ATAD2B: variants seen among roughly 807,000 people sequenced by gnomAD.
ATAD2B encodes the protein ATPase family AAA domain containing 2B, also known as ATPase family AAA domain-containing protein 2B.
Under a neutral mutation model 167.6 loss-of-function variants are expected in ATAD2B, and 40 were observed. That is an observed-to-expected ratio of 0.24 (90% CI 0.19 to 0.31). The LOEUF (loss-of-function observed/expected upper bound fraction) is 0.31. Ranked by LOEUF, ATAD2B falls within the 10% of genes least tolerant of loss-of-function variation. ATAD2B has a pLI of 1.00. For synonymous variants in ATAD2B, 579 were observed against 596.5 expected, an observed-to-expected ratio of 0.97 and a Z score of 0.43; for missense variants, 1,242 against 1,757.2, an observed-to-expected ratio of 0.71 and a Z score of 5.24.
the ATAD2B span, among the ~76,000 whole-genome samples, chr2:23,739,813 TAAA>T: frequency 6.6e-6 from 1 of 151,270 alleles, no homozygotes; most frequent in African/African-American, 2.4e-5. Flanking sequence ...GCAAGACTAA[TAAA>T]GAAGAAAAGA....
the ATAD2B span, chr2:23,703,776 C>T: frequency 6.5e-7 from 1 of 1,537,328 alleles, no homozygotes. Context: ...CTGGGCGGGG[C>T]TTATGCCAGA....
the ATAD2B span, chr2:23,685,298 AAAG>A: frequency 1.3e-5 from 2 of 151,728 alleles, no homozygotes; most frequent in Admixed American, 1.3e-4. Flanking sequence ...ATACCTTTGC[AAAG>A]AAGTCAGGGG....
intron 1 of ATAD2B, among the ~76,000 whole-genome samples, chr2:23,923,844 A>G (rs1704304719): frequency 1.3e-5 from 2 of 152,180 alleles, no homozygotes. Flanking sequence ...ATAATCTAAA[A>G]ACAGGGAAAA....
the ATAD2B span, among the ~76,000 whole-genome samples, chr2:23,732,700 T>C: frequency 1.3e-5 from 2 of 152,198 alleles, no homozygotes; most frequent in Non-Finnish European, 2.9e-5. Context: ...ACCATCTCTA[T>C]CTATACCCCC....
At chr2:23,703,876 G>A in the ATAD2B span, 48 of 1,533,530 alleles carry the variant, frequency 3.1e-5, no homozygotes, top group Middle Eastern at 3.4e-4. Flanking sequence ...GAGAGGCTGC[G>A]GCGCCTTGAC....
chr2:23,717,221 G>A, the ATAD2B span, among the ~76,000 whole-genome samples: 1 of 152,230 alleles, frequency 6.6e-6, no homozygotes, highest in East Asian at 1.9e-4. Context: ...GTAGAGAAAA[G>A]TAATTGGCAT....
At chr2:23,812,719 T>C (rs750502913) in intron 17 of ATAD2B, among the ~76,000 whole-genome samples, 1 of 151,820 alleles carries the variant, frequency 6.6e-6, no homozygotes, top group Non-Finnish European at 1.5e-5. Context: ...AAAAATTAGC[T>C]GGGCGTGGTG....
At chr2:23,697,709 T>TATC in the ATAD2B span, 5,214 of 152,252 alleles carry the variant, frequency 0.034, 114 homozygotes, top group South Asian at 0.086. Context: ...AACATTTAGT[T>TATC]ATCATATTGA....
downstream of ATAD2B, among the ~76,000 whole-genome samples, chr2:23,746,758 A>G (rs1306520455): frequency 6.6e-6 from 1 of 152,194 alleles, no homozygotes; most frequent in Non-Finnish European, 1.5e-5. Flanking sequence ...CAAGATAGGG[A>G]ATATAAGGGA....
At chr2:23,916,218 A>G (rs1226297768) in intron 1 of ATAD2B, among the ~76,000 whole-genome samples, 1 of 152,238 alleles carries the variant, frequency 6.6e-6, no homozygotes, top group Non-Finnish European at 1.5e-5. Context: ...AGAGTTCACT[A>G]TTCTTTCATT....
chr2:23,684,570 T>C, the ATAD2B span: 1 of 1,518,302 alleles, frequency 6.6e-7, no homozygotes, highest in South Asian at 1.3e-5. This position sits in a 1 kb window ranked among gnomAD's most constrained non-coding sequence, Gnocchi z 4.4. Context: ...GTCGGGTCTG[T>C]TCCTTTGTAG....
chr2:23,692,857 C>T, the ATAD2B span, among the ~76,000 whole-genome samples: 3 of 152,148 alleles, frequency 2.0e-5, no homozygotes, highest in Admixed American at 6.5e-5. Flanking sequence ...CTACTGCTAA[C>T]GAAGGAGTCT....
chr2:23,834,152 CTTTTTTTTTTTTT>C (rs11378615), intron 13 of ATAD2B, 74 bp from the exon 14 acceptor site: 14 of 119,616 alleles, frequency 1.2e-4, no homozygotes, highest in South Asian at 1.5e-4. Context: ...ATCAGTCTTT[CTTTTTTTTTTTTT>C]TTTTTTTTTT....
the ATAD2B span, among the ~76,000 whole-genome samples, chr2:23,721,527 T>A: frequency 6.6e-6 from 1 of 151,536 alleles, no homozygotes; most frequent in Non-Finnish European, 1.5e-5. Context: ...TGTGCCTACA[T>A]CCCAGGCCTA....
At chr2:23,830,019 C>G (rs1319112943) in intron 14 of ATAD2B, among the ~76,000 whole-genome samples, 1 of 152,064 alleles carries the variant, frequency 6.6e-6, no homozygotes, top group Non-Finnish European at 1.5e-5. Context: ...GAGTCTCACT[C>G]TATCACCCAG....
intron 1 of ATAD2B, among the ~76,000 whole-genome samples, chr2:23,906,821 A>G (rs1341506023): frequency 6.6e-6 from 1 of 152,016 alleles, no homozygotes; most frequent in Non-Finnish European, 1.5e-5. Context: ...ATACACGCAA[A>G]TCAATAAATG....
intron 10 of ATAD2B, 33 bp downstream of exon 10, chr2:23,867,802 G>GAAAACTTC: frequency 1.3e-6 from 2 of 1,491,668 alleles, no homozygotes; most frequent in Admixed American, 2.0e-5. Flanking sequence ...TTAAAAAAAA[G>GAAAACTTC]AAAACTTCTA....
At chr2:23,879,102 A>G (rs1164785464) in intron 7 of ATAD2B, among the ~76,000 whole-genome samples, 1 of 152,192 alleles carries the variant, frequency 6.6e-6, no homozygotes, top group East Asian at 1.9e-4. Context: ...GTAACTTCTT[A>G]TATCTCATCA....
chr2:23,692,375 G>A, the ATAD2B span, among the ~76,000 whole-genome samples: 4 of 152,118 alleles, frequency 2.6e-5, no homozygotes, highest in Non-Finnish European at 4.4e-5. Flanking sequence ...AGGAGCTCCC[G>A]GGGGGGTCGC....
Sources: gnomAD v4.1 joint callset for allele counts (sites outside exome capture counted in the v4.1 genomes callset) on GRCh38, gnomAD v4.1.1 for gene constraint, Gnocchi (gnomAD v3.1) non-coding constraint, MANE v1.5 for transcripts, NCBI Gene and HGNC (gene_info 2026-07-23, HGNC 2026-07-21) for gene names.